The following C10orf90 variants were observed in gnomAD, a reference collection of about 807,000 sequenced individuals.
The protein encoded by C10orf90 is chromosome 10 open reading frame 90.
Under a neutral mutation model 62.5 loss-of-function variants are expected in C10orf90, and 56 were observed. The ratio of observed to expected loss-of-function variants is 0.90; its 90% CI spans 0.72 to 1.12. The LOEUF (loss-of-function observed/expected upper bound fraction) is 1.12, where lower values mean the gene tolerates loss of function less well. C10orf90 is among the 50% of genes most tolerant of loss of function. C10orf90 has a pLI of 0.00. For missense variants in C10orf90, 970 were observed against 880.4 expected (o/e 1.10, Z -1.29); for synonymous variants, 386 against 340.4 (o/e 1.13, Z -1.47).
At chr10:126,464,199 C>T (rs1259085085) in intron 5 of C10orf90, among the ~76,000 whole-genome samples, 1 of 152,184 alleles carries the variant, frequency 6.6e-6, no homozygotes, top group African/African-American at 2.4e-5. Context: ...TTCTTGGTTT[C>T]TTCCTCTGTG....
At chr10:126,457,831 G>A (rs1271903298) in intron 7 of C10orf90, among the ~76,000 whole-genome samples, 2 of 152,174 alleles carry the variant, frequency 1.3e-5, no homozygotes, top group Admixed American at 1.3e-4. Flanking sequence ...GGCCAGAGAT[G>A]AAAAAGCTTC....
At chr10:126,565,247 T>TTA (rs1339793305) in intron 2 of C10orf90, among the ~76,000 whole-genome samples, 8 of 29,958 alleles carry the variant, frequency 2.7e-4, no homozygotes, top group Admixed American at 6.2e-4. Context: ...AATATAATAT[T>TTA]TATTATATTA....
intron 7 of C10orf90, among the ~76,000 whole-genome samples, chr10:126,455,376 G>A (rs539884051): frequency 8.9e-4 from 135 of 152,258 alleles, no homozygotes; most frequent in African/African-American, 3.1e-3. Context: ...CCTCCCCAGG[G>A]TGGGAGCAAG....
At chr10:126,503,340 A>G (rs1353648637) in intron 4 of C10orf90, among the ~76,000 whole-genome samples, 1 of 152,204 alleles carries the variant, frequency 6.6e-6, no homozygotes, top group Non-Finnish European at 1.5e-5. Flanking sequence ...AGACAAAACC[A>G]GGGGGACAGA....
rs117904473 is a variant in C10orf90, at chr10:126,428,389, C to T, written c.2252+1398G>A. 4.1e-3 allele frequency among the ~76,000 whole-genome samples: 622 copies of T among 152,046 alleles called. 4 individuals carry two copies. Among genetic ancestry groups the T allele is most frequent in the Non-Finnish European group, 5.9e-3 (399 of 68,004 alleles). ...TTTTTAACATAAAAATGTAATTTAA[C>T]GATATAATTAATAGCAAAGAATACA... On this transcript the variant is annotated intron_variant, in intron 8 of 9. Transcript: ENST00000488181.
At chr10:126,565,416 T>TATTATATATATTATATAA (rs1281192950) in intron 2 of C10orf90, among the ~76,000 whole-genome samples, 67 of 15,648 alleles carry the variant, frequency 4.3e-3, no homozygotes, top group African/African-American at 0.011. Context: ...ATAATATATA[T>TATTATATATATTATATAA]TATATATATT....
chr10:126,661,368 A>G (rs1846507928), intron 1 of C10orf90, among the ~76,000 whole-genome samples: 1 of 152,200 alleles, frequency 6.6e-6, no homozygotes, highest in Non-Finnish European at 1.5e-5. Context: ...GGCAGATATT[A>G]TCATTGTTCA....
intron 4 of C10orf90, among the ~76,000 whole-genome samples, chr10:126,496,303 G>T (rs150894868): frequency 6.6e-6 from 1 of 152,150 alleles, no homozygotes; most frequent in Non-Finnish European, 1.5e-5. Flanking sequence ...GAAGCTAGCC[G>T]GGATGGCTGA....
At chr10:126,448,810 A>G (rs867768910) in intron 7 of C10orf90, among the ~76,000 whole-genome samples, 6 of 152,246 alleles carry the variant, frequency 3.9e-5, no homozygotes, top group African/African-American at 1.4e-4. Flanking sequence ...CTAAGAATAT[A>G]CATCCTGCCA....
At chr10:126,500,670 G>A (rs545125325) in intron 4 of C10orf90, among the ~76,000 whole-genome samples, 1 of 152,160 alleles carries the variant, frequency 6.6e-6, no homozygotes, top group Non-Finnish European at 1.5e-5. Context: ...CTGAGGAGAT[G>A]AGCAAAGAGA....
chr10:126,633,929 G>A (rs1845899685), intron 2 of C10orf90, among the ~76,000 whole-genome samples: 1 of 152,126 alleles, frequency 6.6e-6, no homozygotes, highest in Admixed American at 6.5e-5. Flanking sequence ...ACTACAATGA[G>A]GTATCACTTC....
At chr10:126,470,672 C>T (rs1374093183) in intron 4 of C10orf90, among the ~76,000 whole-genome samples, 1 of 151,906 alleles carries the variant, frequency 6.6e-6, no homozygotes, top group African/African-American at 2.4e-5. Flanking sequence ...ATCACTTGAG[C>T]CCAGTAGTTC....
chr10:126,533,492 T>C (rs1319372016), intron 2 of C10orf90, among the ~76,000 whole-genome samples: 1 of 152,196 alleles, frequency 6.6e-6, no homozygotes, highest in African/African-American at 2.4e-5. Context: ...GTTTCAGAAC[T>C]TTTTGTCCCT....
chr10:126,513,910 CT>C lies in C10orf90; in HGVS notation c.342del (p.Asp115IlefsTer31). 1 of 1,613,294 alleles carries C rather than the reference CT, an allele frequency of 6.2e-7. No homozygotes were observed. The highest frequency in any genetic ancestry group is 8.5e-7 in the Non-Finnish European group (1 of 1,179,450). ...TGGAGATTTTTAAGGGCAATTTGAT[CT>C]CTTCTACTGTGGTAGCTGTCCCGTA... The part of the protein sequence containing the change: ...AGLRDSYHSR[R>X]DQIALKNLQS... On this transcript the variant is annotated frameshift_variant, in exon 3 of 10. Transcript: ENST00000488181. LOFTEE classifies it high-confidence loss of function.
At chr10:126,519,116 G>A (rs1237949364) in intron 2 of C10orf90, among the ~76,000 whole-genome samples, 2 of 152,148 alleles carry the variant, frequency 1.3e-5, no homozygotes, top group African/African-American at 4.8e-5. Context: ...TGGTGGGAGG[G>A]AGGAGACACT....
chr10:126,665,517 A>C (rs1846608133), intron 1 of C10orf90, among the ~76,000 whole-genome samples: 2 of 152,312 alleles, frequency 1.3e-5, no homozygotes, highest in South Asian at 4.1e-4. Context: ...GCCCAGAGCT[A>C]AGTTTCCAAA....
At chr10:126,604,418 G>GA (rs1226410130) in intron 2 of C10orf90, among the ~76,000 whole-genome samples, 2 of 151,808 alleles carry the variant, frequency 1.3e-5, no homozygotes, top group African/African-American at 2.4e-5. Flanking sequence ...TCAGTTGAAA[G>GA]AAAAAAAATA....
At chr10:126,442,631 GTGTATATA>G (rs1225533349) in intron 7 of C10orf90, among the ~76,000 whole-genome samples, 45 of 91,846 alleles carry the variant, frequency 4.9e-4, no homozygotes, top group African/African-American at 2.1e-3. Flanking sequence ...TATTGTGTGT[GTGTATATA>G]TATATATATA....
chr10:126,442,156 G>A (rs1413809607), intron 7 of C10orf90, among the ~76,000 whole-genome samples: 1 of 151,860 alleles, frequency 6.6e-6, no homozygotes, highest in Non-Finnish European at 1.5e-5. Context: ...CTGCCTTCAA[G>A]AAACTCACCT....
Sources: allele counts gnomAD v4.1 joint callset (sites outside exome capture counted in the v4.1 genomes callset), GRCh38; gene constraint gnomAD v4.1.1; transcripts MANE v1.5; gene names NCBI Gene and HGNC (gene_info 2026-07-23, HGNC 2026-07-21).